The following MTMR7 variants were observed in gnomAD, a reference collection of about 807,000 sequenced individuals.
MTMR7 encodes the protein phosphatidylinositol-3-phosphate phosphatase MTMR7.
In MTMR7, 76 loss-of-function variants were observed where a neutral mutation model predicts 81.2. The ratio of observed to expected loss-of-function variants is 0.94; its 90% CI spans 0.78 to 1.13. MTMR7 has a LOEUF of 1.13. Among genes scored for constraint, MTMR7 ranks in the 50% most tolerant of loss-of-function variants. The pLI, the probability that MTMR7 is intolerant of heterozygous loss-of-function variation, is 0.00. For missense variants in MTMR7, 1,044 were observed against 820.0 expected (o/e 1.27, Z -3.34); for synonymous variants, 372 against 289.8 (o/e 1.28, Z -2.88).
At chr8:17,375,886 G>A (rs1820571166) in intron 1 of MTMR7, among the ~76,000 whole-genome samples, 1 of 152,044 alleles carries the variant, frequency 6.6e-6, no homozygotes, top group Admixed American at 6.5e-5. Flanking sequence ...TTTTTCCTTT[G>A]TTGAATGACA....
At chr8:17,351,415 A>T (rs146735762) in intron 4 of MTMR7, among the ~76,000 whole-genome samples, 20 of 152,222 alleles carry the variant, frequency 1.3e-4, no homozygotes, top group African/African-American at 4.6e-4. Flanking sequence ...AAACAGAGAA[A>T]ATCAACACCC....
rs1252903430 is a variant in MTMR7, at chr8:17,311,650, G to A, written c.976-14C>T. On this transcript the variant is annotated splice_polypyrimidine_tract_variant and intron_variant, in intron 8 of 13. Coordinates refer to ENST00000180173, the MANE Select transcript of MTMR7 (RefSeq NM_004686.5). The stretch of plus-strand genomic sequence containing the variant: ...CTCTGACACTGCCTAGAAAACACAC[G>A]ATCCGCAAAGAGTCACAAAGAATGG... 4 of 1,613,782 alleles carry A rather than the reference G, an allele frequency of 2.5e-6. No individual in the cohort carries two copies. Among genetic ancestry groups the A allele is most frequent in the Admixed American group, 3.3e-5 (2 of 59,992 alleles).
Position 17,351,817 on chromosome 8 carries a change from G to A in MTMR7, c.469-2736C>T, listed in dbSNP as rs550762341. Among the ~76,000 whole-genome samples, 8 of 152,322 alleles carry A rather than the reference G, an allele frequency of 5.3e-5. No individual in the cohort carries two copies. The South Asian group carries it at 1.0e-3, about 20-fold the overall frequency. On this transcript the variant is annotated intron_variant, in intron 4 of 13. Coordinates refer to ENST00000180173, the MANE Select transcript of MTMR7 (RefSeq NM_004686.5). ...GCAGATTTAGGGTGTCAGTTAACAC[G>A]GGAAGATACAACCTCTTACCAAGCT...
intron 10 of MTMR7, among the ~76,000 whole-genome samples, chr8:17,306,949 T>A (rs1004420514): frequency 6.6e-6 from 1 of 152,118 alleles, no homozygotes; most frequent in East Asian, 1.9e-4. Context: ...GAAGAAAACC[T>A]AGGCAATACC....
chr8:17,305,724 A>G, intron 11 of MTMR7, 33 bp downstream of exon 11: 1 of 1,547,890 alleles, frequency 6.5e-7, no homozygotes, highest in Non-Finnish European at 8.8e-7. Flanking sequence ...TCTTTAAATA[A>G]AAGTTAAACA....
intron 4 of MTMR7, among the ~76,000 whole-genome samples, chr8:17,359,225 T>C (rs373785158): frequency 3.5e-4 from 54 of 152,278 alleles, no homozygotes; most frequent in African/African-American, 1.3e-3. Context: ...AGAAATACTT[T>C]AGTACTTTAC....
chr8:17,309,355 G>GA, intron 9 of MTMR7, 29 bp from the exon 10 acceptor site: 1 of 1,481,076 alleles, frequency 6.8e-7, no homozygotes, highest in Non-Finnish European at 9.4e-7. Flanking sequence ...AAATATCTTG[G>GA]AGAGAAGCAA....
intron 10 of MTMR7, among the ~76,000 whole-genome samples, chr8:17,306,421 C>A (rs1364221844): frequency 6.6e-6 from 1 of 151,810 alleles, no homozygotes; most frequent in Non-Finnish European, 1.5e-5. Context: ...CCCAAGTTGC[C>A]AAGAATATTC....
intron 5 of MTMR7, among the ~76,000 whole-genome samples, chr8:17,347,915 G>A (rs2150547218): frequency 6.6e-6 from 1 of 152,294 alleles, no homozygotes; most frequent in South Asian, 2.1e-4. Context: ...CACCTGCAGT[G>A]TGTGGGTGGT....
At chr8:17,367,147 G>A (rs1820252395) in intron 3 of MTMR7, among the ~76,000 whole-genome samples, 1 of 151,988 alleles carries the variant, frequency 6.6e-6, no homozygotes, top group Non-Finnish European at 1.5e-5. Flanking sequence ...AATATAAAAA[G>A]TTACCAATAA....
chr8:17,373,580 G>T (rs1820485773), intron 1 of MTMR7, among the ~76,000 whole-genome samples: 1 of 152,176 alleles, frequency 6.6e-6, no homozygotes, highest in East Asian at 1.9e-4. Context: ...GAAAGTGTAT[G>T]TGTTAATGTT....
chr8:17,411,559 A>AT (rs1207887347), intron 1 of MTMR7, among the ~76,000 whole-genome samples: 5 of 152,094 alleles, frequency 3.3e-5, no homozygotes, highest in African/African-American at 9.7e-5. Context: ...GTAATTTCTT[A>AT]TTTTTTTCAC....
intron 4 of MTMR7, among the ~76,000 whole-genome samples, chr8:17,358,078 CATACA>C (rs144438972): frequency 0.011 from 1,733 of 152,064 alleles, 42 homozygotes; most frequent in African/African-American, 0.039. Flanking sequence ...ATTGACAAAA[CATACA>C]ATACAAGATA....
chr8:17,366,070 G>C (rs1475461876), intron 3 of MTMR7, among the ~76,000 whole-genome samples: 2 of 152,114 alleles, frequency 1.3e-5, no homozygotes, highest in Admixed American at 1.3e-4. Context: ...TTCACTCTCA[G>C]ATAACCCCAC....
At chr8:17,353,107 CA>C (rs1819775485) in intron 4 of MTMR7, among the ~76,000 whole-genome samples, 1 of 152,140 alleles carries the variant, frequency 6.6e-6, no homozygotes, top group Non-Finnish European at 1.5e-5. Context: ...AAATATTATT[CA>C]GCCCTAAAAA....
intron 7 of MTMR7, among the ~76,000 whole-genome samples, chr8:17,315,596 G>A (rs764804700): frequency 1.3e-5 from 2 of 152,106 alleles, no homozygotes; most frequent in African/African-American, 2.4e-5. Flanking sequence ...CGTACCTTCT[G>A]CTCAATTTTG....
chr8:17,309,144 A>G, intron 10 of MTMR7, 133 bp downstream of exon 10: 1 of 645,130 alleles, frequency 1.6e-6, no homozygotes, highest in Non-Finnish European at 2.7e-6. Flanking sequence ...GACATATACA[A>G]CAAAATTTAA....
intron 1 of MTMR7, among the ~76,000 whole-genome samples, chr8:17,388,534 T>C (rs1223379595): frequency 6.6e-6 from 1 of 152,220 alleles, no homozygotes; most frequent in Non-Finnish European, 1.5e-5. Context: ...CAGAGGCTCA[T>C]TTGATTATGA....
intron 7 of MTMR7, among the ~76,000 whole-genome samples, chr8:17,314,292 ATTG>A (rs1370419613): frequency 6.6e-5 from 10 of 152,278 alleles, no homozygotes; most frequent in Non-Finnish European, 1.2e-4. Flanking sequence ...TTTTTATTTT[ATTG>A]TTCTCTGTGA....
Sources: gnomAD v4.1 joint callset for allele counts (sites outside exome capture counted in the v4.1 genomes callset) on GRCh38, gnomAD v4.1.1 for gene constraint, MANE v1.5 for transcripts, NCBI Gene and HGNC (gene_info 2026-07-23, HGNC 2026-07-21) for gene names.